Variants in TMEM132B observed in about 807,000 individuals in gnomAD.
TMEM132B encodes transmembrane protein 132B.
Under a neutral mutation model 90.8 loss-of-function variants are expected in TMEM132B, and 18 were observed. That is an observed-to-expected ratio of 0.20 (90% CI 0.14 to 0.29). TMEM132B has a LOEUF of 0.29. TMEM132B is among the 10% of genes least tolerant of loss of function. The pLI is 1.00. For synonymous variants in TMEM132B, 504 were observed against 523.3 expected (o/e 0.96, Z 0.50); for missense variants, 1,096 against 1,326.8 (o/e 0.83, Z 2.70).
intron 2 of TMEM132B, among the ~76,000 whole-genome samples, chr12:125,377,596 C>T (rs1416987167): frequency 6.6e-6 from 1 of 152,076 alleles, no homozygotes; most frequent in Admixed American, 6.5e-5. Context: ...GTAAGTAGCT[C>T]AGAACAGGGC....
intron 2 of TMEM132B, among the ~76,000 whole-genome samples, chr12:125,412,162 G>A (rs1456201004): frequency 6.6e-6 from 1 of 152,198 alleles, no homozygotes; most frequent in Non-Finnish European, 1.5e-5. Context: ...CCCAGTGGAA[G>A]AAGCATCGTG....
chr12:125,269,509 C>T (rs1874773702), intron 1 of TMEM132B, among the ~76,000 whole-genome samples: 1 of 152,182 alleles, frequency 6.6e-6, no homozygotes, highest in African/African-American at 2.4e-5. Flanking sequence ...TGAGGATTCT[C>T]AGCACAGCAG....
chr12:125,331,184 G>A (rs1018125706), intron 1 of TMEM132B, among the ~76,000 whole-genome samples: 4 of 152,224 alleles, frequency 2.6e-5, no homozygotes, highest in Non-Finnish European at 5.9e-5. Flanking sequence ...GGCCTGGTCC[G>A]GGTGGGCTCA....
intron 4 of TMEM132B, among the ~76,000 whole-genome samples, chr12:125,530,628 G>A (rs73220923): frequency 6.6e-6 from 1 of 152,168 alleles, no homozygotes; most frequent in Non-Finnish European, 1.5e-5. Context: ...TCCCTCTGAC[G>A]CCTCCAGGGA....
intron 5 of TMEM132B, among the ~76,000 whole-genome samples, chr12:125,616,983 G>A (rs79201322): frequency 0.083 from 12,578 of 152,238 alleles, 680 homozygotes; most frequent in African/African-American, 0.14. Context: ...AAGTCTGCTA[G>A]CATCTTTATC....
chr12:125,191,507 C>T (rs1872792830), intron 1 of TMEM132B, among the ~76,000 whole-genome samples: 1 of 152,184 alleles, frequency 6.6e-6, no homozygotes, highest in African/African-American at 2.4e-5. Context: ...ACTCTCTAGC[C>T]TTGTGCGGAA....
intron 3 of TMEM132B, among the ~76,000 whole-genome samples, chr12:125,515,612 A>G (rs1219485938): frequency 6.7e-6 from 1 of 149,122 alleles, no homozygotes; most frequent in Admixed American, 6.7e-5. Context: ...CATACAACAC[A>G]TATTCACACA....
chr12:125,658,054 A>T lies in TMEM132B; in HGVS notation c.*3344A>T, dbSNP rs988776985. On this transcript the variant is annotated 3_prime_UTR_variant, in exon 9 of 9. Transcript: ENST00000682704. The stretch of plus-strand genomic sequence containing the variant: ...AGGTTACCCTGGAAAAACAACACCT[A>T]GCAAACCTCAGAATACTCCATGTGT... 5.9e-5 allele frequency: 9 copies of T among 152,250 alleles called. No individual in the cohort carries two copies. The South Asian group carries it at 1.4e-3, about 25-fold the overall frequency. 9.4% of individuals were successfully genotyped at this position (152,250 alleles called of 1,614,324 possible).
At chr12:125,360,948 C>T (rs2136249982) in intron 2 of TMEM132B, among the ~76,000 whole-genome samples, 1 of 152,142 alleles carries the variant, frequency 6.6e-6, no homozygotes, top group Non-Finnish European at 1.5e-5. Flanking sequence ...CTGAGCCTTG[C>T]CTTCCTCTCC....
At chr12:125,430,452 C>A (rs1245667112) in intron 3 of TMEM132B, among the ~76,000 whole-genome samples, 1 of 152,178 alleles carries the variant, frequency 6.6e-6, no homozygotes, top group African/African-American at 2.4e-5. Flanking sequence ...ATGCTGTTGG[C>A]TCTGAGATGG....
Position 125,499,891 on chromosome 12 carries a change from T to C in TMEM132B, c.1107-19548T>C, listed in dbSNP as rs145356557. 9.6e-3 allele frequency among the ~76,000 whole-genome samples: 1,466 copies of C among 151,970 alleles called. 7 individuals are homozygous for C. The highest frequency in any genetic ancestry group is 0.034 in the Middle Eastern group (10 of 294). On this transcript the variant is annotated intron_variant, in intron 3 of 8. Coordinates refer to ENST00000682704, the MANE Select transcript of TMEM132B (RefSeq NM_001366854.1). ...CACACTATATTGTAAATTCTTATCT[T>C]TGTATACTGTACTTCTGCATACAAA...
intron 4 of TMEM132B, among the ~76,000 whole-genome samples, chr12:125,568,496 C>A (rs868453618): frequency 6.6e-6 from 1 of 152,156 alleles, no homozygotes; most frequent in Non-Finnish European, 1.5e-5. Flanking sequence ...CTCTCAAGGT[C>A]AGCCCTTATC....
rs73424714 is a variant in TMEM132B at position 125,332,351 on chromosome 12, C to T, written c.68-17101C>T. Among the ~76,000 whole-genome samples the T allele has an allele frequency of 4.9e-3, 753 of 152,204 alleles. 3 individuals are homozygous for T. Among genetic ancestry groups the T allele is most frequent in the African/African-American group, 0.017 (702 of 41,554 alleles). ...ACTGCCAGCCAATTATTCATCTCTT[C>T]TTCCTCTGAGATCTGGCAACTCTTG... On this transcript the variant is annotated intron_variant, in intron 1 of 8. Transcript: ENST00000682704.
At chr12:125,450,212 G>C (rs1881113286) in intron 3 of TMEM132B, among the ~76,000 whole-genome samples, 1 of 152,124 alleles carries the variant, frequency 6.6e-6, no homozygotes, top group African/African-American at 2.4e-5. Flanking sequence ...TTTAAAAGTA[G>C]AGAAGAAGTG....
rs193190519 is a variant in TMEM132B at position 125,487,676 on chromosome 12, C to T, written c.1107-31763C>T. Among the ~76,000 whole-genome samples the T allele has an allele frequency of 1.3e-4, 20 of 152,312 alleles. No individual in the cohort carries two copies. In the East Asian group the frequency reaches 3.1e-3, roughly 23 times the overall value. On this transcript the variant is annotated intron_variant, in intron 3 of 8. Transcript: ENST00000682704. ...CATCCGTCAGGCTGCAGATACATGG[C>T]TTTAAGAGAGGCTTGGAAATGTATC... is the stretch of plus-strand genomic sequence containing the variant.
chr12:125,591,779 G>T (rs1465538400), intron 5 of TMEM132B, among the ~76,000 whole-genome samples: 1 of 152,054 alleles, frequency 6.6e-6, no homozygotes, highest in Admixed American at 6.6e-5. Flanking sequence ...CTGCCTCTGT[G>T]GTTGCATGGT....
intron 3 of TMEM132B, among the ~76,000 whole-genome samples, chr12:125,426,576 G>C (rs893846737): frequency 6.6e-6 from 1 of 152,194 alleles, no homozygotes; most frequent in African/African-American, 2.4e-5. Context: ...GGTTCTCACT[G>C]GCTGAGGGCT....
At chr12:125,290,710 G>A (rs1875513113) in intron 1 of TMEM132B, among the ~76,000 whole-genome samples, 1 of 152,138 alleles carries the variant, frequency 6.6e-6, no homozygotes, top group Non-Finnish European at 1.5e-5. Flanking sequence ...TCCTGCTGAT[G>A]GGCATTTAGG....
At position 125,458,469 on chromosome 12, in the gene TMEM132B, CGACCAGCAGGGGTCA is replaced by C. The variant is rs1881352910; in HGVS notation, c.1106+42793_1106+42807del. On this transcript the variant is annotated intron_variant, in intron 3 of 8. Transcript: ENST00000682704. The surrounding 1 kb of genome is among the most constrained non-coding windows in gnomAD (Gnocchi z 4.9). ...AAACAAACCAGGCTGGGACCCCAGGCGACCAGCAGGGGTCATTTGGTTTCAGTGGGGCCTTGCAGG... is the reference window on the plus strand; with the variant it reads ...AAACAAACCAGGCTGGGACCCCAGGCTTTGGTTTCAGTGGGGCCTTGCAGG... Among the ~76,000 whole-genome samples the C allele has an allele frequency of 6.6e-6, 1 of 152,134 alleles. No individual in the cohort carries two copies.
Sources: allele counts gnomAD v4.1 joint callset (sites outside exome capture counted in the v4.1 genomes callset), GRCh38; gene constraint gnomAD v4.1.1; non-coding constraint Gnocchi (gnomAD v3.1); transcripts MANE v1.5; gene names NCBI Gene and HGNC (gene_info 2026-07-23, HGNC 2026-07-21).